MYH16: variants seen among roughly 807,000 people sequenced by gnomAD.
MYH16 encodes the protein myosin heavy chain 16.
intron 15 of MYH16, among the ~76,000 whole-genome samples, chr7:99,264,534 C>T (rs748882138): frequency 2.0e-4 from 31 of 152,104 alleles, no homozygotes; most frequent in Non-Finnish European, 3.5e-4. Context: ...CGTGATCACG[C>T]GAGATAGCAA....
downstream of MYH16, among the ~76,000 whole-genome samples, chr7:99,310,114 G>A (rs193233488): frequency 1.3e-5 from 2 of 152,012 alleles, no homozygotes; most frequent in East Asian, 3.9e-4. Flanking sequence ...AAATAAAACC[G>A]ATCCTTCACC....
intron 15 of MYH16, among the ~76,000 whole-genome samples, chr7:99,264,528 A>G (rs1463499631): frequency 6.6e-6 from 1 of 152,164 alleles, no homozygotes; most frequent in African/African-American, 2.4e-5. Flanking sequence ...GTGCAGCGTG[A>G]TCACGCGAGA....
intron 20 of MYH16, among the ~76,000 whole-genome samples, chr7:99,273,684 A>G (rs1439093833): frequency 6.6e-6 from 1 of 152,066 alleles, no homozygotes; most frequent in Non-Finnish European, 1.5e-5. Flanking sequence ...GCTTGAGGCC[A>G]GGAGTTTGAG....
exon 5 of MYH16, chr7:99,250,009 C>T (rs187902076): frequency 1.3e-5 from 2 of 152,946 alleles, no homozygotes; most frequent in Admixed American, 6.6e-5. Flanking sequence ...AGACTGAGAA[C>T]ACGAAGAAGG....
At chr7:99,288,433 G>A (rs1392729688) in intron 29 of MYH16, among the ~76,000 whole-genome samples, 2 of 151,508 alleles carry the variant, frequency 1.3e-5, no homozygotes, top group African/African-American at 4.9e-5. Flanking sequence ...GTAAGACCCT[G>A]TCTCTAAAAT....
At chr7:99,298,549 G>A (rs1225616660) in intron 36 of MYH16, among the ~76,000 whole-genome samples, 2 of 152,180 alleles carry the variant, frequency 1.3e-5, no homozygotes, top group African/African-American at 2.4e-5. Flanking sequence ...CACTTTAGAT[G>A]TAGTATTTTA....
chr7:99,265,197 G>T (rs113931476), intron 16 of MYH16: 1 of 152,630 alleles, frequency 6.6e-6, no homozygotes, highest in African/African-American at 2.4e-5. Flanking sequence ...CGGGTATGTT[G>T]TGGGGTCACG....
intron 5 of MYH16, chr7:99,251,033 G>C (rs1791803403): frequency 1.2e-5 from 2 of 161,356 alleles, no homozygotes; most frequent in South Asian, 1.8e-4. Flanking sequence ...CAGTCCCTCA[G>C]CCCTGGGCTC....
In MYH16 at chr7:99,292,275, A is replaced by G. The variant is rs191138512; in HGVS notation, n.3953-37A>G. ...AAGTGGTGGCCCTGCGGGCTGTGGAAAGCCCCCACGGGCGCCTGACAGGCT... is the reference window on the plus strand; with the variant it reads ...AAGTGGTGGCCCTGCGGGCTGTGGAGAGCCCCCACGGGCGCCTGACAGGCT... On this transcript the variant is annotated intron_variant and non_coding_transcript_variant, in intron 31 of 41. Coordinates refer to ENST00000439784, the Ensembl canonical transcript of MYH16. The G allele has an allele frequency of 1.2e-4, 55 of 447,894 alleles. No homozygotes were observed. In the East Asian group the frequency reaches 3.3e-3, roughly 27 times the overall value. 27.7% of individuals were successfully genotyped at this position (447,894 alleles called of 1,614,324 possible).
At chr7:99,293,961 G>A in intron 32 of MYH16, 57 bp from the exon 14 acceptor site, 1 of 403,844 alleles carries the variant, frequency 2.5e-6, no homozygotes, top group South Asian at 1.8e-5. Flanking sequence ...GCAGTGTGGA[G>A]ATGGTGCCTG....
At chr7:99,303,733 T>G (rs545443729) in intron 39 of MYH16, among the ~76,000 whole-genome samples, 1 of 152,290 alleles carries the variant, frequency 6.6e-6, no homozygotes, top group African/African-American at 2.4e-5. Context: ...ACCCAGGAGT[T>G]TGAGGTTGCA....
intron 20 of MYH16, among the ~76,000 whole-genome samples, chr7:99,275,029 C>G (rs909193234): frequency 4.6e-5 from 7 of 152,050 alleles, no homozygotes; most frequent in African/African-American, 1.7e-4. Flanking sequence ...GGGTCTCACT[C>G]TGTTGCCCAG....
Position 99,296,723 on chromosome 7 carries a change from T to C in MYH16, n.4305T>C, listed in dbSNP as rs1222513077. The C allele has an allele frequency of 8.8e-6, 4 of 455,936 alleles. No individual in the cohort carries two copies. The Admixed American group carries it at 9.4e-5, about 11-fold the overall frequency. 28.2% of individuals were successfully genotyped at this position (455,936 alleles called of 1,614,324 possible). ...TAGGCCAATGCTGCAGCTGCTGCCCTGGACAAGAAGCAGAGGCTCTTTGAC... is the reference window on the plus strand; with the variant it reads ...TAGGCCAATGCTGCAGCTGCTGCCCCGGACAAGAAGCAGAGGCTCTTTGAC... On this transcript the variant is annotated non_coding_transcript_exon_variant, in exon 34 of 42. Transcript: ENST00000439784.
intron 20 of MYH16, among the ~76,000 whole-genome samples, chr7:99,276,706 C>T (rs1288742328): frequency 1.3e-5 from 2 of 152,180 alleles, no homozygotes; most frequent in Admixed American, 1.3e-4. Flanking sequence ...AGGGCAGGGG[C>T]TACATTGTGG....
At chr7:99,300,131 T>G (rs1472506722) in intron 37 of MYH16, among the ~76,000 whole-genome samples, 1 of 151,796 alleles carries the variant, frequency 6.6e-6, no homozygotes, top group East Asian at 1.9e-4. Context: ...AGCTAATTTT[T>G]GTATTTTTAA....
At chr7:99,297,025 G>A (rs1221658724) in intron 34 of MYH16, 108 bp downstream of exon 15, 3 of 384,836 alleles carry the variant, frequency 7.8e-6, no homozygotes, top group Non-Finnish European at 1.6e-5. Flanking sequence ...CATAGTAGGT[G>A]CTCAATAAAT....
rs189815953 is a variant in MYH16, at chr7:99,300,722, C to T, written n.4934-879C>T. Among the ~76,000 whole-genome samples the T allele has an allele frequency of 5.2e-3, 795 of 152,242 alleles. 3 individuals are homozygous for T. The Middle Eastern group carries it at 0.054, about 10-fold the overall frequency. On this transcript the variant is annotated intron_variant and non_coding_transcript_variant, in intron 37 of 41. Transcript: ENST00000439784. ...TCAGGAGCCTGAGGTGGAAGGATCG[C>T]TTGAGCCCAGGAGTTGGAGATTGCA...
At position 99,281,612 on chromosome 7, in the gene MYH16, GGA is replaced by G. The variant is rs1160487993; in HGVS notation, n.2992+635_2992+636del. On this transcript the variant is annotated intron_variant and non_coding_transcript_variant, in intron 23 of 41. Coordinates refer to ENST00000439784, the Ensembl canonical transcript of MYH16. ...GAGTTAGGTTGGGCCCATGCACACTGGAGAAAGTATGCTCACTGGAGTGGTAG... is the reference window on the plus strand; with the variant it reads ...GAGTTAGGTTGGGCCCATGCACACTGGAAAGTATGCTCACTGGAGTGGTAG... 5.3e-5 allele frequency among the ~76,000 whole-genome samples: 8 copies of G among 152,266 alleles called. No homozygotes were observed. In the East Asian group the frequency reaches 1.4e-3, roughly 26 times the overall value.
intron 1 of MYH16, among the ~76,000 whole-genome samples, chr7:99,240,964 C>T (rs781194906): frequency 6.6e-6 from 1 of 152,058 alleles, no homozygotes; most frequent in Non-Finnish European, 1.5e-5. Flanking sequence ...TGGATTTGAA[C>T]GAAAGTCAAG....
Sources: gnomAD v4.1 joint callset for allele counts (sites outside exome capture counted in the v4.1 genomes callset) on GRCh38, gnomAD v4.1.1 for gene constraint, MANE v1.5 for transcripts, NCBI Gene and HGNC (gene_info 2026-07-23, HGNC 2026-07-21) for gene names.